The following KCNAB1 variants were observed in gnomAD, a reference collection of about 807,000 sequenced individuals.
KCNAB1 encodes the protein voltage-gated potassium channel subunit beta-1.
KCNAB1 carries 35 observed loss-of-function variants against 64.6 expected under a neutral mutation model. The ratio of observed to expected loss-of-function variants is 0.54; its 90% confidence interval spans 0.41 to 0.72. The LOEUF is 0.72. Ranked by LOEUF, KCNAB1 falls within the 30% of genes least tolerant of loss-of-function variation. The pLI is 0.00. For missense variants in KCNAB1, 401 were observed against 512.9 expected (o/e 0.78, Z 2.11); for synonymous variants, 177 against 183.8 (o/e 0.96, Z 0.30).
At chr3:156,480,746 G>A (rs2108330880) in intron 8 of KCNAB1, among the ~76,000 whole-genome samples, 1 of 152,174 alleles carries the variant, frequency 6.6e-6, no homozygotes, top group South Asian at 2.1e-4. Flanking sequence ...CTGCTCAGTA[G>A]ACAATTTTAA....
chr3:156,354,645 G>T (rs1244955241), intron 1 of KCNAB1, among the ~76,000 whole-genome samples: 1 of 150,434 alleles, frequency 6.6e-6, no homozygotes, highest in African/African-American at 2.5e-5. Context: ...TTTGCTAAAA[G>T]GTACACTCAG....
chr3:156,354,492 A>G (rs1725099523), intron 1 of KCNAB1, among the ~76,000 whole-genome samples: 1 of 151,918 alleles, frequency 6.6e-6, no homozygotes, highest in Non-Finnish European at 1.5e-5. Flanking sequence ...TAAGCCTCAA[A>G]TCACCGGGCC....
intron 1 of KCNAB1, among the ~76,000 whole-genome samples, chr3:156,315,519 C>T (rs1576714830): frequency 6.6e-6 from 1 of 152,096 alleles, no homozygotes; most frequent in Admixed American, 6.6e-5. Context: ...GGACCTGTGT[C>T]CTGGAATATT....
intron 2 of KCNAB1, among the ~76,000 whole-genome samples, chr3:156,436,033 C>G (rs538826367): frequency 6.6e-6 from 1 of 152,090 alleles, no homozygotes; most frequent in South Asian, 2.1e-4. Flanking sequence ...TATTAAGCCC[C>G]GCATGCATTA....
Position 156,157,645 on chromosome 3 carries a change from G to A in KCNAB1, c.275+36759G>A, listed in dbSNP as rs150659497. ...TTCTATTTGCTTGAGGTGTGTATGC[G>A]TATGCATGTGTAGAATGTTCCACAT... is the stretch of plus-strand genomic sequence containing the variant. On this transcript the variant is annotated intron_variant, in intron 1 of 13. Coordinates refer to ENST00000490337, the MANE Select transcript of KCNAB1 (RefSeq NM_172160.3). Among the ~76,000 whole-genome samples the A allele has an allele frequency of 1.7e-3, 258 of 152,120 alleles. 1 individual carries two copies. Among genetic ancestry groups the A allele is most frequent in the African/African-American group, 6.0e-3 (250 of 41,502 alleles).
intron 1 of KCNAB1, among the ~76,000 whole-genome samples, chr3:156,226,229 G>T (rs115083552): frequency 0.016 from 2,445 of 152,244 alleles, 28 homozygotes; most frequent in Non-Finnish European, 0.026. Context: ...ACATAGACCA[G>T]TGGAACAGAA....
chr3:156,419,939 A>G (rs145721509), intron 1 of KCNAB1, among the ~76,000 whole-genome samples: 141 of 152,374 alleles, frequency 9.3e-4, no homozygotes, highest in African/African-American at 3.1e-3. Flanking sequence ...GTCTTTGTAC[A>G]TCTATTGATT....
chr3:156,309,188 A>G (rs1721716158), intron 1 of KCNAB1, among the ~76,000 whole-genome samples: 1 of 152,258 alleles, frequency 6.6e-6, no homozygotes, highest in South Asian at 2.1e-4. Flanking sequence ...TTTTTTAAAA[A>G]TAAAAAGCAA....
intron 1 of KCNAB1, among the ~76,000 whole-genome samples, chr3:156,312,968 G>A (rs147098034): frequency 1.3e-5 from 2 of 152,226 alleles, no homozygotes; most frequent in African/African-American, 2.4e-5. Context: ...TCCACTTTGT[G>A]AGCACTTCTC....
At chr3:156,442,106 T>C (rs1320239983) in intron 2 of KCNAB1, among the ~76,000 whole-genome samples, 1 of 152,078 alleles carries the variant, frequency 6.6e-6, no homozygotes, top group African/African-American at 2.4e-5. Context: ...AGGCTCAAGA[T>C]GCTAACTTAA....
chr3:156,516,315 C>G lies in KCNAB1; in HGVS notation c.911C>G (p.Ser304Ter). The change falls in exon 11 of 14, where the codon TCA becomes TGA. Residue 304 changes from serine (S) to a stop codon, truncating the protein, a stop_gained. Transcript: ENST00000490337. LOFTEE classifies it high-confidence loss of function. ...TCTCCACTTGCCTGTGGAATCATCT[C>G]AGGAAAATACGGAAACGGGGTGCCT... The part of the protein sequence containing the change: ...TWSPLACGII[S>*]GKYGNGVPES... 6.2e-7 allele frequency: 1 copy of G among 1,614,026 alleles called. No homozygotes were observed. Among genetic ancestry groups the G allele is most frequent in the Non-Finnish European group, 8.5e-7 (1 of 1,179,890 alleles).
intron 1 of KCNAB1, among the ~76,000 whole-genome samples, chr3:156,356,532 C>T (rs1725258015): frequency 6.6e-6 from 1 of 152,120 alleles, no homozygotes; most frequent in African/African-American, 2.4e-5. Flanking sequence ...ATTAAACCCA[C>T]GTGCTCTGAT....
At chr3:156,372,058 A>C (rs2108128563) in intron 1 of KCNAB1, among the ~76,000 whole-genome samples, 1 of 152,342 alleles carries the variant, frequency 6.6e-6, no homozygotes, top group African/African-American at 2.4e-5. Context: ...AATTACTTGC[A>C]GCGTCTCTGG....
At chr3:156,273,913 C>T (rs892196359) in intron 1 of KCNAB1, among the ~76,000 whole-genome samples, 5 of 152,126 alleles carry the variant, frequency 3.3e-5, no homozygotes, top group South Asian at 4.1e-4. Context: ...CTTATTCTGA[C>T]GTGTAGAATA....
At chr3:156,515,984 T>C (rs1282299540) in intron 10 of KCNAB1, among the ~76,000 whole-genome samples, 1 of 150,842 alleles carries the variant, frequency 6.6e-6, no homozygotes. Flanking sequence ...AGGTACTAAA[T>C]GGACAAGGAC....
chr3:156,273,143 G>A (rs1202353443), intron 1 of KCNAB1, among the ~76,000 whole-genome samples: 2 of 151,236 alleles, frequency 1.3e-5, no homozygotes, highest in East Asian at 1.9e-4. Flanking sequence ...AAAAAAAAAC[G>A]GGTCTCTTTT....
rs572719851 is a variant in KCNAB1, at chr3:156,137,154, A to AT, written c.275+16274dup. ...GTACTAAGTCTAGTACCAAATAGTT[A>AT]TTTTTTCTATCCTCTCCTACTCATT... is the stretch of plus-strand genomic sequence containing the variant. On this transcript the variant is annotated intron_variant, in intron 1 of 13. Coordinates refer to ENST00000490337, the MANE Select transcript of KCNAB1 (RefSeq NM_172160.3). Among the ~76,000 whole-genome samples the AT allele has an allele frequency of 7.2e-4, 105 of 146,014 alleles. 1 individual carries two copies. The South Asian group carries it at 0.016, about 22-fold the overall frequency.
chr3:156,160,876 C>T lies in KCNAB1; in HGVS notation c.275+39990C>T, dbSNP rs181303175. Among the ~76,000 whole-genome samples the T allele has an allele frequency of 9.9e-4, 151 of 152,216 alleles. 1 individual carries two copies. The highest frequency in any genetic ancestry group is 1.5e-3 in the Non-Finnish European group (103 of 68,028). On this transcript the variant is annotated intron_variant, in intron 1 of 13. Transcript: ENST00000490337. ...AAATGCTCATTGATCTAATTAGGCCCGGAGGTAGTCATTGTGGCATGAAGG... is the reference window on the plus strand; with the variant it reads ...AAATGCTCATTGATCTAATTAGGCCTGGAGGTAGTCATTGTGGCATGAAGG...
At chr3:156,474,543 A>T in intron 7 of KCNAB1, 191 bp from the exon 8 acceptor site, 1 of 421,498 alleles carries the variant, frequency 2.4e-6, no homozygotes, top group Non-Finnish European at 4.4e-6. Flanking sequence ...GACTTTTTTT[A>T]TTGGGGGAAG....
Sources: allele counts gnomAD v4.1 joint callset (sites outside exome capture counted in the v4.1 genomes callset), GRCh38; gene constraint gnomAD v4.1.1; transcripts MANE v1.5; gene names NCBI Gene and HGNC (gene_info 2026-07-23, HGNC 2026-07-21).